The following SYNPO2 variants were observed in gnomAD, a reference collection of about 807,000 sequenced individuals.
SYNPO2 encodes synaptopodin 2.
In SYNPO2, 56 loss-of-function variants were observed where a neutral mutation model predicts 85.0. The ratio of observed to expected loss-of-function variants is 0.66; its 90% CI spans 0.53 to 0.82. SYNPO2 has a LOEUF of 0.82. Ranked by LOEUF, SYNPO2 falls within the 40% of genes least tolerant of loss-of-function variation. The pLI is 0.00. For missense variants in SYNPO2, 1,575 were observed against 1,534.2 expected, an observed-to-expected ratio of 1.03 and a Z score of -0.44; for synonymous variants, 602 against 591.1, an observed-to-expected ratio of 1.02 and a Z score of -0.27.
chr4:118,971,756 C>T (rs1285695130), intron 1 of SYNPO2, among the ~76,000 whole-genome samples: 2 of 152,140 alleles, frequency 1.3e-5, no homozygotes, highest in African/African-American at 2.4e-5. Flanking sequence ...ATGCAGTAAC[C>T]ATGGTCTCTG....
At chr4:118,978,704 T>C (rs1735885573) in intron 1 of SYNPO2, among the ~76,000 whole-genome samples, 1 of 152,104 alleles carries the variant, frequency 6.6e-6, no homozygotes, top group South Asian at 2.1e-4. Flanking sequence ...TAAAAAATGT[T>C]ATTTATTTTG....
intron 1 of SYNPO2, among the ~76,000 whole-genome samples, chr4:119,002,646 C>A (rs1214175717): frequency 6.6e-6 from 1 of 152,128 alleles, no homozygotes; most frequent in Non-Finnish European, 1.5e-5. Flanking sequence ...TTCCTGGAGT[C>A]TCTTCTTAAT....
At chr4:118,876,169 C>T (rs1304354449) in intron 1 of SYNPO2, among the ~76,000 whole-genome samples, 1 of 152,176 alleles carries the variant, frequency 6.6e-6, no homozygotes, top group Non-Finnish European at 1.5e-5. Flanking sequence ...GGCTCAGCTT[C>T]GTCAACGTTG....
rs773688804 is a variant in SYNPO2 at position 119,057,673 on chromosome 4, T to C, written c.3525T>C (p.Asp1175=). 5.6e-6 allele frequency: 9 copies of C among 1,614,002 alleles called. No homozygotes were observed. The highest frequency in any genetic ancestry group is 5.0e-5 in the Admixed American group (3 of 60,002). Residue 1175 remains aspartate (D), a synonymous_variant, in exon 5 of 5, where the codon GAT becomes GAC. Transcript: ENST00000307142. The part of the protein sequence containing the change: ...RRKVLPGPPE[D]WNERLSYIPQ... ...AGGTGCTTCCAGGGCCTCCAGAGGA[T>C]TGGAATGAAAGACTGTCCTATATTC...
intron 1 of SYNPO2, among the ~76,000 whole-genome samples, chr4:118,895,321 T>A (rs2149115918): frequency 6.6e-6 from 1 of 152,248 alleles, no homozygotes; most frequent in South Asian, 2.1e-4. Flanking sequence ...CCTCCATGGT[T>A]GAGGGAAGGA....
chr4:118,882,880 C>T (rs1732132028), intron 1 of SYNPO2, among the ~76,000 whole-genome samples: 1 of 152,010 alleles, frequency 6.6e-6, no homozygotes, highest in African/African-American at 2.4e-5. Context: ...TGCCATTCTC[C>T]TGCCTCAACC....
chr4:119,047,924 CCTAA>C (rs1738919851), intron 4 of SYNPO2, among the ~76,000 whole-genome samples: 1 of 152,188 alleles, frequency 6.6e-6, no homozygotes, highest in African/African-American at 2.4e-5. Flanking sequence ...CTTCTTCAAC[CCTAA>C]CTAATTCCAA....
chr4:118,963,475 G>T (rs1421994976), intron 1 of SYNPO2, among the ~76,000 whole-genome samples: 1 of 152,082 alleles, frequency 6.6e-6, no homozygotes, highest in Non-Finnish European at 1.5e-5. Context: ...ATTTAGACTG[G>T]ACTGAAAAAC....
Position 118,924,062 on chromosome 4 carries a change from A to G in SYNPO2, c.105+34921A>G, listed in dbSNP as rs532672558. Among the ~76,000 whole-genome samples, 5 of 152,320 alleles carry G rather than the reference A, an allele frequency of 3.3e-5. No homozygotes were observed. In the South Asian group the frequency reaches 1.0e-3, roughly 32 times the overall value. ...TTGACGGGAGCTGTCTAGATACATC[A>G]GATTTACACATCTGTCAGTAAATCA... On this transcript the variant is annotated intron_variant, in intron 1 of 4. Coordinates refer to ENST00000307142, the MANE Select transcript of SYNPO2 (RefSeq NM_133477.3).
intron 1 of SYNPO2, among the ~76,000 whole-genome samples, chr4:118,938,985 C>G (rs945679356): frequency 8.5e-5 from 13 of 152,092 alleles, no homozygotes; most frequent in Admixed American, 7.9e-4. Context: ...GCTTTTTATA[C>G]CTTCATCAGG....
chr4:119,057,718 T>C lies in SYNPO2; in HGVS notation c.3570T>C (p.Tyr1190=), dbSNP rs993240675. The stretch of plus-strand genomic sequence containing the variant: ...ATATTCCTCAAACCCAGAAGGCCTA[T>C]ATGGGCTCATGTGGAAGGCAAGAGT... ...LSYIPQTQKA[Y]MGSCGRQEYN... Residue 1190 remains tyrosine, a synonymous_variant, in exon 5 of 5, where the codon TAT becomes TAC. Coordinates refer to ENST00000307142, the MANE Select transcript of SYNPO2 (RefSeq NM_133477.3). The C allele has an allele frequency of 1.2e-6, 2 of 1,614,176 alleles. No individual in the cohort carries two copies. Among genetic ancestry groups the C allele is most frequent in the African/African-American group, 1.3e-5 (1 of 75,042 alleles).
At chr4:118,898,316 C>G (rs1296701831) in intron 1 of SYNPO2, among the ~76,000 whole-genome samples, 1 of 152,158 alleles carries the variant, frequency 6.6e-6, no homozygotes, top group Non-Finnish European at 1.5e-5. Flanking sequence ...ACCACCTCGG[C>G]TCAGGTCCTT....
intron 1 of SYNPO2, among the ~76,000 whole-genome samples, chr4:118,881,833 T>G (rs1440631913): frequency 6.6e-6 from 1 of 152,218 alleles, no homozygotes; most frequent in East Asian, 1.9e-4. Context: ...CTCAGATGGC[T>G]TTTCATGGAG....
chr4:118,883,647 GT>G (rs769915054), intron 1 of SYNPO2, among the ~76,000 whole-genome samples: 4 of 151,900 alleles, frequency 2.6e-5, no homozygotes, highest in Non-Finnish European at 5.9e-5. Flanking sequence ...ATTAGAGTTA[GT>G]CCCAGAAGAC....
chr4:118,995,566 A>G (rs1299033344), intron 1 of SYNPO2, among the ~76,000 whole-genome samples: 11 of 152,318 alleles, frequency 7.2e-5, no homozygotes, highest in African/African-American at 2.6e-4. Flanking sequence ...ATTTGAACTC[A>G]GGTTGTCTGA....
At chr4:118,912,726 A>G (rs1733183855) in intron 1 of SYNPO2, among the ~76,000 whole-genome samples, 1 of 152,216 alleles carries the variant, frequency 6.6e-6, no homozygotes, top group African/African-American at 2.4e-5. Context: ...TTAAATAATT[A>G]TATTTTAAGG....
intron 1 of SYNPO2, among the ~76,000 whole-genome samples, chr4:118,891,345 A>AAG (rs148010789): frequency 5.9e-5 from 9 of 151,320 alleles, no homozygotes; most frequent in East Asian, 1.9e-4. Flanking sequence ...TTGTGTGTGC[A>AAG]AGAGAGAGAG....
chr4:118,958,982 T>C (rs1734975334), intron 1 of SYNPO2, among the ~76,000 whole-genome samples: 1 of 152,188 alleles, frequency 6.6e-6, no homozygotes, highest in East Asian at 1.9e-4. Flanking sequence ...GTTTACATGG[T>C]AAGACAGATG....
At position 119,012,393 on chromosome 4, in the gene SYNPO2, T is replaced by TTTTTA. The variant is rs1553946399; in HGVS notation, c.106-11037_106-11036insTTTTA. 7.9e-3 allele frequency among the ~76,000 whole-genome samples: 1,038 copies of TTTTTA among 130,796 alleles called. 11 individuals are homozygous for TTTTTA. Among genetic ancestry groups the TTTTTA allele is most frequent in the African/African-American group, 0.018 (658 of 36,352 alleles). 85.8% of individuals were successfully genotyped at this position (130,796 alleles called of 152,430 possible). On this transcript the variant is annotated intron_variant, in intron 1 of 4. Coordinates refer to ENST00000307142, the MANE Select transcript of SYNPO2 (RefSeq NM_133477.3). ...CCCTTTTCTTTTTTTTTTTTTTTTT[T>TTTTTA]ATTTTACTTTAAGTTCTGGGATACA...
Sources: allele counts gnomAD v4.1 joint callset (sites outside exome capture counted in the v4.1 genomes callset), GRCh38; gene constraint gnomAD v4.1.1; transcripts MANE v1.5; gene names NCBI Gene and HGNC (gene_info 2026-07-23, HGNC 2026-07-21).